Variants in SEC16A observed in about 807,000 individuals in gnomAD.
SEC16A encodes protein transport protein Sec16A.
In SEC16A, 110 loss-of-function variants were observed where a neutral mutation model predicts 221.9. That is an observed-to-expected ratio of 0.50 (90% confidence interval 0.42 to 0.58). The LOEUF (loss-of-function observed/expected upper bound fraction) is 0.58. SEC16A is among the 20% of genes least tolerant of loss of function. SEC16A has a pLI of 0.00. For missense variants in SEC16A, 3,165 were observed against 3,097.8 expected, an observed-to-expected ratio of 1.02 and a Z score of -0.52; for synonymous variants, 1,393 against 1,257.7, an observed-to-expected ratio of 1.11 and a Z score of -2.28.
chr9:136,465,583 C>T (rs1221681555), intron 8 of SEC16A, among the ~76,000 whole-genome samples: 2 of 152,238 alleles, frequency 1.3e-5, no homozygotes, highest in Non-Finnish European at 2.9e-5. Flanking sequence ...CTCTGACTGA[C>T]ACGCGGGACA....
At chr9:136,454,420 A>C in intron 20 of SEC16A, 93 bp from the exon 21 acceptor site, 1 of 1,154,430 alleles carries the variant, frequency 8.7e-7, no homozygotes, top group Non-Finnish European at 1.3e-6. Flanking sequence ...ATGACAAGTT[A>C]TTTTGTACAG....
Position 136,463,581 on chromosome 9 carries a change from T to G in SEC16A, c.4529A>C (p.Asp1510Ala). The G allele has an allele frequency of 6.2e-7, 1 of 1,613,866 alleles. No homozygotes were observed. Among genetic ancestry groups the G allele is most frequent in the Non-Finnish European group, 8.5e-7 (1 of 1,179,850 alleles). ...TTTGTTCTGTGCAAAATTAATGACA[T>G]CCACCTTATGGGTGTCGTCTCTGCA... ...PLAKDDTHKV[D>A]VINFAQNKAM... The change falls in exon 11 of 32, where the codon GAT (aspartate) becomes GCT (alanine). Residue 1510 changes from aspartate to alanine, a missense_variant. Asp to Ala is a moderately radical substitution (Grantham distance 126). Coordinates refer to ENST00000684901, the MANE Select transcript of SEC16A (RefSeq NM_014866.2).
intron 4 of SEC16A, among the ~76,000 whole-genome samples, chr9:136,470,446 G>A (rs945315028): frequency 3.9e-5 from 6 of 152,196 alleles, no homozygotes; most frequent in Admixed American, 2.6e-4. Flanking sequence ...CGCCTCTCAG[G>A]GCCTCTAGGA....
intron 3 of SEC16A, 89 bp downstream of exon 3, chr9:136,473,956 GAACA>G (rs1423507867): frequency 4.3e-6 from 6 of 1,383,404 alleles, no homozygotes; most frequent in South Asian, 1.4e-5. Context: ...GGAACCAAGC[GAACA>G]AACACTACTA....
chr9:136,465,573 C>T (rs1022196562), intron 8 of SEC16A, among the ~76,000 whole-genome samples: 1 of 152,242 alleles, frequency 6.6e-6, no homozygotes, highest in African/African-American at 2.4e-5. Context: ...TGGAAGGGAA[C>T]TCTGACTGAC....
Position 136,457,483 on chromosome 9 carries a change from C to A in SEC16A, c.5511G>T (p.Pro1837=), listed in dbSNP as rs187611173. 1.3e-4 allele frequency: 210 copies of A among 1,608,028 alleles called. 1 individual carries two copies. Among genetic ancestry groups the A allele is most frequent in the Non-Finnish European group, 1.6e-4 (189 of 1,177,224 alleles). ...TGATCAACACCGGGGAATACAGGTG[C>A]GGCTGCGTCAGGATGCTCTTCGCGA... The part of the protein sequence containing the change: ...EAIAKSILTQ[P]HLYSPVLISQ... Residue 1837 remains proline (P), a synonymous_variant, in exon 18 of 32, where the codon CCG becomes CCT. Coordinates refer to ENST00000684901, the MANE Select transcript of SEC16A (RefSeq NM_014866.2).
chr9:136,460,283 C>T (rs1222481728), intron 13 of SEC16A, among the ~76,000 whole-genome samples, 160 bp from the exon 14 acceptor site: 1 of 151,860 alleles, frequency 6.6e-6, no homozygotes, highest in Non-Finnish European at 1.5e-5. Context: ...GGAGAAACCC[C>T]ATCTCTACTA....
At chr9:136,472,184 G>C in intron 3 of SEC16A, 73 bp from the exon 4 acceptor site, 1 of 1,578,588 alleles carries the variant, frequency 6.3e-7, no homozygotes, top group Non-Finnish European at 8.7e-7. Flanking sequence ...AGCCTGAGCT[G>C]GAAACATTGC....
intron 30 of SEC16A, among the ~76,000 whole-genome samples, 155 bp downstream of exon 30, chr9:136,444,897 A>T (rs1836734592): frequency 6.6e-6 from 1 of 151,832 alleles, no homozygotes; most frequent in Admixed American, 6.6e-5. Flanking sequence ...AAAAAAAAAA[A>T]AAAAGGAACC....
Position 136,441,690 on chromosome 9 carries a change from G to A in SEC16A, c.*65C>T, listed in dbSNP as rs892704142. On this transcript the variant is annotated 3_prime_UTR_variant, in exon 32 of 32. Coordinates refer to ENST00000684901, the MANE Select transcript of SEC16A (RefSeq NM_014866.2). ...GGGCGGGACGGAGATCGCGGAGGTC[G>A]GTCGGGTTCTTCGGGGAGAACAGCA... is the stretch of plus-strand genomic sequence containing the variant. The A allele has an allele frequency of 4.7e-6, 7 of 1,474,346 alleles. No homozygotes were observed. In the East Asian group the frequency reaches 9.1e-5, roughly 19 times the overall value. 91.3% of individuals were successfully genotyped at this position (1,474,346 alleles called of 1,614,324 possible). A position where few individuals can be genotyped will look rare whatever the true frequency, so the allele number is the denominator to read the frequency against.
chr9:136,483,814 C>T (rs1842711614), upstream of SEC16A: 1 of 984,932 alleles, frequency 1.0e-6, no homozygotes, highest in African/African-American at 1.7e-5. Context: ...CGCGCATGCG[C>T]CGGGAGCGGC....
upstream of SEC16A, chr9:136,483,865 T>C: frequency 1.1e-6 from 1 of 932,374 alleles, no homozygotes; most frequent in Non-Finnish European, 1.3e-6. Flanking sequence ...GCCTGCGCGC[T>C]GGTTGCCTGG....
rs375952382 is a variant in SEC16A, at chr9:136,447,269, C to T, written c.6655G>A (p.Ala2219Thr). 20 of 1,597,022 alleles carry T rather than the reference C, an allele frequency of 1.3e-5. No individual in the cohort carries two copies. Among genetic ancestry groups the T allele is most frequent in the African/African-American group, 1.2e-4 (9 of 74,660 alleles). The change falls in exon 27 of 32, where the codon GCG becomes ACG. Residue 2219 changes from alanine to threonine, a missense_variant. Physicochemically the swap from Ala to Thr is moderately conservative, Grantham distance 58. This residue lies in a region of SEC16A where 1,088 missense variants were observed against 1,089.6 expected (regional missense o/e 1.00). Transcript: ENST00000684901. This position sits in a 1 kb window ranked among gnomAD's most constrained non-coding sequence, Gnocchi z 5.5. Reference sequence around the variant, plus strand: ...AAGTTAGAAGGAATTGGGAGTGGCGCGAGTGGAGCGACAAAGTCCGCAGGA... The same window carrying T: ...AAGTTAGAAGGAATTGGGAGTGGCGTGAGTGGAGCGACAAAGTCCGCAGGA... ...LAPADFVAPL[A>T]PLPIPSNLFV...
Position 136,447,349 on chromosome 9 carries a change from C to A in SEC16A, c.6575G>T (p.Arg2192Leu). 6.3e-7 allele frequency: 1 copy of A among 1,597,982 alleles called. No individual in the cohort carries two copies. Among genetic ancestry groups the A allele is most frequent in the Non-Finnish European group, 8.5e-7 (1 of 1,172,960 alleles). ...GCTTGGGTTCAGGACGTCAACGTAG[C>A]GAGCTCTGGTTCCTGCTGCAAAGGG... ...YSRRAAGTRA[R>L]YVDVLNPSGT... The change falls in exon 27 of 32, where the codon CGC becomes CTC. Residue 2192 changes from arginine (R) to leucine (L), a missense_variant. Arg to Leu is a moderately radical substitution (Grantham distance 102). Transcript: ENST00000684901. The surrounding 1 kb of genome is among the most constrained non-coding windows in gnomAD (Gnocchi z 5.5).
chr9:136,482,833 C>T, intron 1 of SEC16A, 105 bp downstream of exon 1: 1 of 313,578 alleles, frequency 3.2e-6, no homozygotes, highest in Non-Finnish European at 4.6e-6. Context: ...CTGGGCCCAG[C>T]CGCCTCCTCT....
intron 23 of SEC16A, among the ~76,000 whole-genome samples, chr9:136,449,917 T>C (rs989980431): frequency 6.6e-6 from 1 of 152,118 alleles, no homozygotes. Context: ...AAAATACCAT[T>C]ACTAGGCCGG....
chr9:136,442,175 C>T (rs914029885), intron 31 of SEC16A, among the ~76,000 whole-genome samples: 5 of 152,358 alleles, frequency 3.3e-5, no homozygotes, highest in East Asian at 3.9e-4. Context: ...CTGCATGGGA[C>T]GCGGGGACCT....
Position 136,459,583 on chromosome 9 carries a change from G to A in SEC16A, c.5192-28C>T, listed in dbSNP as rs770416831. The A allele has an allele frequency of 9.1e-6, 14 of 1,534,330 alleles. No individual in the cohort carries two copies. Among genetic ancestry groups the A allele is most frequent in the Admixed American group, 3.9e-5 (2 of 51,392 alleles). ...GCGGAGAGACGACACGACACACGGC[G>A]GGGGCTCAGCGACCGGGAGCGCTTG... On this transcript the variant is annotated intron_variant, in intron 15 of 31. Transcript: ENST00000684901. This position sits in a 1 kb window ranked among gnomAD's most constrained non-coding sequence, Gnocchi z 6.1.
In SEC16A at chr9:136,445,655, T is replaced by C; in HGVS notation, c.6857A>G (p.Gln2286Arg). The change falls in exon 29 of 32, where the codon CAG (glutamine) becomes CGG (arginine). Residue 2286 changes from glutamine to arginine, a missense_variant. Coordinates refer to ENST00000684901, the MANE Select transcript of SEC16A (RefSeq NM_014866.2). ...GTCGGCACTCCTTACCTCTCCTCCC[T>C]GGGAACCCTCAGGCCTGGAGGAGGG... is the stretch of plus-strand genomic sequence containing the variant. ...ELPSSRPEGSQGGELSRCSSM... is the reference protein window; with the variant it reads ...ELPSSRPEGSRGGELSRCSSM... 6.4e-7 allele frequency: 1 copy of C among 1,550,958 alleles called. No individual in the cohort carries two copies. Among genetic ancestry groups the C allele is most frequent in the Non-Finnish European group, 8.7e-7 (1 of 1,147,018 alleles).
Sources: gnomAD v4.1 joint callset for allele counts (sites outside exome capture counted in the v4.1 genomes callset) on GRCh38, gnomAD v4.1.1 for gene constraint, gnomAD v4.1.1 regional missense constraint, Gnocchi (gnomAD v3.1) non-coding constraint, MANE v1.5 for transcripts, NCBI Gene and HGNC (gene_info 2026-07-23, HGNC 2026-07-21) for gene names.